Variants in TEX9 observed in about 807,000 individuals in gnomAD.
TEX9 encodes the protein testis-expressed protein 9.
Under a neutral mutation model 59.6 loss-of-function variants are expected in TEX9, and 74 were observed. The ratio of observed to expected loss-of-function variants is 1.24; its 90% confidence interval spans 1.03 to 1.51. The LOEUF (loss-of-function observed/expected upper bound fraction) is 1.51, where lower values mean the gene tolerates loss of function less well. Ranked by LOEUF, TEX9 falls within the 40% of genes most tolerant of loss-of-function variation. The probability of loss-of-function intolerance (pLI) is 0.00; values close to 1 mark genes in which losing one functional copy is unlikely to be tolerated. For missense variants in TEX9, 522 were observed against 447.8 expected, an observed-to-expected ratio of 1.17 and a Z score of -1.49; for synonymous variants, 186 against 152.2, an observed-to-expected ratio of 1.22 and a Z score of -1.64.
chr15:56,354,392 C>T (rs1298627279), intron 1 of TEX9, among the ~76,000 whole-genome samples: 1 of 152,134 alleles, frequency 6.6e-6, no homozygotes, highest in Non-Finnish European at 1.5e-5. Context: ...AACACCAACA[C>T]TAGGTTTCTA....
At chr15:56,360,051 T>C (rs571917651) in intron 1 of TEX9, among the ~76,000 whole-genome samples, 1 of 152,308 alleles carries the variant, frequency 6.6e-6, no homozygotes, top group South Asian at 2.1e-4. Flanking sequence ...TTTTAGAATA[T>C]TGAACCATCC....
intron 9 of TEX9, among the ~76,000 whole-genome samples, chr15:56,402,730 C>A (rs1194214181): frequency 6.6e-6 from 1 of 152,106 alleles, no homozygotes; most frequent in East Asian, 1.9e-4. Flanking sequence ...TGCAAAAATC[C>A]TCAATAAAAT....
downstream of TEX9, among the ~76,000 whole-genome samples, chr15:56,446,556 T>A (rs930425548): frequency 2.3e-4 from 35 of 151,950 alleles, no homozygotes; most frequent in African/African-American, 8.4e-4. Context: ...TAACAATTTG[T>A]ACTGTACTAC....
intron 1 of TEX9, among the ~76,000 whole-genome samples, chr15:56,280,627 A>G (rs975307418): frequency 2.0e-5 from 3 of 152,244 alleles, no homozygotes; most frequent in Non-Finnish European, 4.4e-5. Context: ...AACTTCATCC[A>G]TAAGAAAAAA....
chr15:56,250,265 G>A (rs1366829928), intron 1 of TEX9, among the ~76,000 whole-genome samples: 5 of 152,206 alleles, frequency 3.3e-5, no homozygotes, highest in African/African-American at 7.2e-5. Flanking sequence ...CCAGTGAATG[G>A]CGTAGCTAAT....
At chr15:56,429,513 C>CTTTTCTTTAAATAGCTCTATA (rs1254059649) in intron 12 of TEX9, 3 of 185,992 alleles carry the variant, frequency 1.6e-5, no homozygotes, top group African/African-American at 7.1e-5. Flanking sequence ...GTACCCTACC[C>CTTTTCTTTAAATAGCTCTATA]TTTTCTTTAA....
At chr15:56,273,763 C>T (rs778879611) in intron 1 of TEX9, among the ~76,000 whole-genome samples, 82 of 152,268 alleles carry the variant, frequency 5.4e-4, no homozygotes, top group Middle Eastern at 3.4e-3. Flanking sequence ...CCATTCTTTT[C>T]TAGCTTGCAT....
chr15:56,261,592 C>T (rs1347149835), intron 1 of TEX9, among the ~76,000 whole-genome samples: 6 of 151,986 alleles, frequency 3.9e-5, no homozygotes, highest in Non-Finnish European at 7.4e-5. Flanking sequence ...GTAGCATGTG[C>T]CTGTAGTCCC....
intron 1 of TEX9, among the ~76,000 whole-genome samples, chr15:56,280,835 A>G (rs966515028): frequency 1.3e-5 from 2 of 152,224 alleles, no homozygotes; most frequent in African/African-American, 4.8e-5. Flanking sequence ...AATCAATGTT[A>G]TTGCAAAGCC....
At chr15:56,432,623 A>C (rs1350987613) in intron 12 of TEX9, among the ~76,000 whole-genome samples, 2 of 152,208 alleles carry the variant, frequency 1.3e-5, no homozygotes, top group Non-Finnish European at 2.9e-5. Context: ...TTGTATAAGT[A>C]TCTATGCATT....
intron 1 of TEX9, among the ~76,000 whole-genome samples, chr15:56,308,669 A>G (rs1181719083): frequency 2.0e-5 from 3 of 152,094 alleles, no homozygotes; most frequent in African/African-American, 7.2e-5. Context: ...TTCTTCTAAC[A>G]GTTTTATAGT....
chr15:56,377,096 T>C (rs1259655511), intron 3 of TEX9, among the ~76,000 whole-genome samples: 1 of 152,180 alleles, frequency 6.6e-6, no homozygotes, highest in East Asian at 1.9e-4. Context: ...TTTTCTCTAT[T>C]CTGTTCCATT....
intron 1 of TEX9, among the ~76,000 whole-genome samples, chr15:56,298,045 T>C (rs2045257392): frequency 6.6e-6 from 1 of 152,234 alleles, no homozygotes; most frequent in Non-Finnish European, 1.5e-5. Context: ...TGCAATCTGA[T>C]TGGCTCAGTT....
intron 1 of TEX9, among the ~76,000 whole-genome samples, chr15:56,301,985 T>C (rs2045369843): frequency 6.6e-6 from 1 of 152,192 alleles, no homozygotes; most frequent in Admixed American, 6.5e-5. Context: ...ATTACAACTT[T>C]AAAAGACATA....
At chr15:56,326,091 C>T (rs2046014138) in intron 1 of TEX9, among the ~76,000 whole-genome samples, 1 of 152,186 alleles carries the variant, frequency 6.6e-6, no homozygotes, top group African/African-American at 2.4e-5. Flanking sequence ...ATCCAAGTGA[C>T]AAGTGACTGC....
intron 1 of TEX9, among the ~76,000 whole-genome samples, chr15:56,275,221 C>G (rs1329115877): frequency 6.6e-6 from 1 of 152,176 alleles, no homozygotes; most frequent in Non-Finnish European, 1.5e-5. Context: ...CAGCTTCCAG[C>G]TCACTTGTGG....
chr15:56,399,253 C>T (rs750146484), intron 9 of TEX9, among the ~76,000 whole-genome samples: 24 of 152,214 alleles, frequency 1.6e-4, no homozygotes, highest in Non-Finnish European at 2.9e-4. Context: ...GACACTTCTG[C>T]CCAAATACTG....
chr15:56,298,917 T>G (rs76498799), intron 1 of TEX9, among the ~76,000 whole-genome samples: 6,704 of 152,346 alleles, frequency 0.044, 226 homozygotes, highest in Admixed American at 0.087. Flanking sequence ...AAATTTTTTA[T>G]CTGAGTAAAT....
chr15:56,276,992 G>A (rs748679531), intron 1 of TEX9, among the ~76,000 whole-genome samples: 3 of 149,712 alleles, frequency 2.0e-5, no homozygotes, highest in African/African-American at 7.3e-5. Flanking sequence ...CATATCCTTC[G>A]CCCAGTTTTT....
Sources: gnomAD v4.1 joint callset for allele counts (sites outside exome capture counted in the v4.1 genomes callset) on GRCh38, gnomAD v4.1.1 for gene constraint, MANE v1.5 for transcripts, NCBI Gene and HGNC (gene_info 2026-07-23, HGNC 2026-07-21) for gene names.